ANKRD29: variants seen among roughly 807,000 people sequenced by gnomAD.
ANKRD29 encodes ankyrin repeat domain-containing protein 29.
In ANKRD29, 32 loss-of-function variants were observed where a neutral mutation model predicts 38.0. The ratio of observed to expected loss-of-function variants is 0.84; its 90% CI spans 0.64 to 1.13. The LOEUF (loss-of-function observed/expected upper bound fraction) is 1.13. Among genes scored for constraint, ANKRD29 ranks in the 50% most tolerant of loss-of-function variants. The pLI, the probability that ANKRD29 is intolerant of heterozygous loss-of-function variation, is 0.00. For synonymous variants in ANKRD29, 135 were observed against 152.4 expected (o/e 0.89, Z 0.84); for missense variants, 357 against 377.9 (o/e 0.94, Z 0.46).
intron 1 of ANKRD29, among the ~76,000 whole-genome samples, chr18:23,651,100 G>A (rs1001599885): frequency 2.0e-5 from 3 of 152,222 alleles, no homozygotes; most frequent in Admixed American, 6.5e-5. Context: ...GACAGTGGCA[G>A]CAGTATTTGT....
intron 3 of ANKRD29, among the ~76,000 whole-genome samples, chr18:23,639,973 T>A (rs942059514): frequency 1.3e-5 from 2 of 152,152 alleles, no homozygotes; most frequent in African/African-American, 4.8e-5. Context: ...TGAAAAGAGT[T>A]ATAGATGGGT....
intron 3 of ANKRD29, 94 bp from the exon 4 acceptor site, chr18:23,639,041 T>A: frequency 1.0e-6 from 1 of 985,330 alleles, no homozygotes; most frequent in Non-Finnish European, 1.5e-6. Flanking sequence ...TATCCTTGCA[T>A]AGAAAACTTC....
chr18:23,643,304 C>T (rs1325755039), intron 3 of ANKRD29, among the ~76,000 whole-genome samples: 1 of 152,158 alleles, frequency 6.6e-6, no homozygotes, highest in South Asian at 2.1e-4. Flanking sequence ...TGGGAAGCAT[C>T]CTCCCACTGC....
intron 6 of ANKRD29, among the ~76,000 whole-genome samples, chr18:23,620,543 C>T (rs1270267647): frequency 6.6e-6 from 1 of 152,004 alleles, no homozygotes; most frequent in Non-Finnish European, 1.5e-5. Context: ...AGGGGGAAGG[C>T]GGAGGTCACG....
At chr18:23,601,942 C>A (rs1207800133) in intron 9 of ANKRD29, among the ~76,000 whole-genome samples, 2 of 152,228 alleles carry the variant, frequency 1.3e-5, no homozygotes, top group South Asian at 2.1e-4. Flanking sequence ...CAGGCATCAG[C>A]CACCGTGCCC....
At chr18:23,627,230 G>C (rs1196885172) in intron 6 of ANKRD29, among the ~76,000 whole-genome samples, 1 of 152,184 alleles carries the variant, frequency 6.6e-6, no homozygotes, top group Non-Finnish European at 1.5e-5. Context: ...AATGGGGTGA[G>C]TGTACTCTGT....
At chr18:23,632,989 A>AT in intron 5 of ANKRD29, among the ~76,000 whole-genome samples, 1 of 152,352 alleles carries the variant, frequency 6.6e-6, no homozygotes, top group East Asian at 1.9e-4. Context: ...TGCCCCAGGC[A>AT]TAAGGGTTAA....
chr18:23,606,284 T>C (rs2059574108), intron 9 of ANKRD29, among the ~76,000 whole-genome samples: 1 of 152,164 alleles, frequency 6.6e-6, no homozygotes, highest in Non-Finnish European at 1.5e-5. Context: ...GCTATGTTTT[T>C]TGTTTTTTAA....
intron 9 of ANKRD29, among the ~76,000 whole-genome samples, chr18:23,610,746 G>A (rs2059631257): frequency 1.3e-5 from 2 of 151,944 alleles, no homozygotes; most frequent in African/African-American, 2.4e-5. Context: ...CGTGACCATG[G>A]CTCACTGCAC....
chr18:23,631,193 T>C (rs1598495797), intron 5 of ANKRD29, among the ~76,000 whole-genome samples: 1 of 150,548 alleles, frequency 6.6e-6, no homozygotes, highest in East Asian at 2.0e-4. Context: ...AGCCCAGGAG[T>C]TCAAGACCAG....
Position 23,601,167 on chromosome 18 carries a change from A to C in ANKRD29, c.*59T>G. ...GAATTTCCAACACTGCTTGAAATGC[A>C]ATTTCTTTTTGGACAATGTGGTTAA... On this transcript the variant is annotated 3_prime_UTR_variant, in exon 10 of 10. Coordinates refer to ENST00000592179, the MANE Select transcript of ANKRD29 (RefSeq NM_173505.4). The C allele has an allele frequency of 6.8e-7, 1 of 1,480,346 alleles. No individual in the cohort carries two copies. The highest frequency in any genetic ancestry group is 9.3e-7 in the Non-Finnish European group (1 of 1,069,946). The allele number at this position is 1,480,346 out of a possible 1,614,324, so 91.7% of individuals were successfully genotyped here.
At chr18:23,610,194 A>G (rs930667168) in intron 9 of ANKRD29, among the ~76,000 whole-genome samples, 2 of 152,188 alleles carry the variant, frequency 1.3e-5, no homozygotes, top group African/African-American at 4.8e-5. Flanking sequence ...TTTGTAGTTT[A>G]TGGCTGGGCG....
rs2059908076 is a variant in ANKRD29 at position 23,629,908 on chromosome 18, A to G, written c.473T>C (p.Leu158Ser). 1.9e-6 allele frequency: 3 copies of G among 1,614,054 alleles called. No individual in the cohort carries two copies. The African/African-American group carries it at 4.0e-5, about 22-fold the overall frequency. ...AGCCAGCAGTAATCGAATAACATCC[A>G]AGTAACCACCTTGGGCAGCTAGGAA... ...ALFLAAQGGY[L>S]DVIRLLLASG... The change falls in exon 6 of 10, where the codon TTG (leucine) becomes TCG (serine). Residue 158 changes from leucine (L) to serine (S), a missense_variant. Transcript: ENST00000592179.
chr18:23,613,207 C>G (rs2059666247), intron 8 of ANKRD29, among the ~76,000 whole-genome samples: 1 of 130,908 alleles, frequency 7.6e-6, no homozygotes, highest in Non-Finnish European at 1.5e-5. Context: ...GTGTCTCGCT[C>G]TGTCTCCCAG....
At chr18:23,621,651 T>C (rs1331778204) in intron 6 of ANKRD29, among the ~76,000 whole-genome samples, 1 of 152,138 alleles carries the variant, frequency 6.6e-6, no homozygotes, top group Non-Finnish European at 1.5e-5. Context: ...CAATTCAGGA[T>C]TTAATTAATC....
chr18:23,606,701 C>T lies in ANKRD29; in HGVS notation c.822+5391G>A, dbSNP rs529466641. Among the ~76,000 whole-genome samples, 3 of 152,240 alleles carry T rather than the reference C, an allele frequency of 2.0e-5. No individual in the cohort carries two copies. The East Asian group carries it at 5.8e-4, about 29-fold the overall frequency. ...TTGAGAAATGTTTGTATAGAGGAAT[C>T]AGAAGGACTTTCTTGTGGCCAGGCA... is the stretch of plus-strand genomic sequence containing the variant. On this transcript the variant is annotated intron_variant, in intron 9 of 9. Transcript: ENST00000592179.
In ANKRD29 at chr18:23,599,724, G is replaced by A. The variant is rs1272891497; in HGVS notation, c.*1502C>T. The A allele has an allele frequency of 2.0e-5, 3 of 152,144 alleles. No homozygotes were observed. Among genetic ancestry groups the A allele is most frequent in the African/African-American group, 7.2e-5 (3 of 41,452 alleles). 9.4% of individuals were successfully genotyped at this position (152,144 alleles called of 1,614,324 possible). Reference sequence around the variant, plus strand: ...AGGTTGCAGGCTTTTTGTATAGCTGGTCAGGCTGTAGGCACCTGTGGGGCC... The same window carrying A: ...AGGTTGCAGGCTTTTTGTATAGCTGATCAGGCTGTAGGCACCTGTGGGGCC... On this transcript the variant is annotated 3_prime_UTR_variant, in exon 10 of 10. Transcript: ENST00000592179.
intron 9 of ANKRD29, among the ~76,000 whole-genome samples, chr18:23,608,572 T>A (rs1160756207): frequency 6.6e-6 from 1 of 152,216 alleles, no homozygotes; most frequent in Non-Finnish European, 1.5e-5. Context: ...TAATATTTCC[T>A]CCCTGTGAAA....
Position 23,599,505 on chromosome 18 carries a change from A to G in ANKRD29, c.*1721T>C, listed in dbSNP as rs1241037691. The G allele has an allele frequency of 6.6e-6, 1 of 152,264 alleles. No individual in the cohort carries two copies. The allele number at this position is 152,264 out of a possible 1,614,324, so 9.4% of individuals were successfully genotyped here. A position where few individuals can be genotyped will look rare whatever the true frequency, so the allele number is the denominator to read the frequency against. The stretch of plus-strand genomic sequence containing the variant: ...GCTAACTAAGGGGAAAATACAAAGC[A>G]TTTAATGCCATATTATTTTCCTCTT... On this transcript the variant is annotated 3_prime_UTR_variant, in exon 10 of 10. Coordinates refer to ENST00000592179, the MANE Select transcript of ANKRD29 (RefSeq NM_173505.4).
Sources: gnomAD v4.1 joint callset for allele counts (sites outside exome capture counted in the v4.1 genomes callset) on GRCh38, gnomAD v4.1.1 for gene constraint, MANE v1.5 for transcripts, NCBI Gene and HGNC (gene_info 2026-07-23, HGNC 2026-07-21) for gene names.